POU2AF2: variants seen among roughly 807,000 people sequenced by gnomAD.
POU2AF2 encodes the protein POU class 2 homeobox associating factor 2.
At chr11:111,246,816 T>G in the POU2AF2 span, among the ~76,000 whole-genome samples, 5 of 152,206 alleles carry the variant, frequency 3.3e-5, no homozygotes, top group African/African-American at 1.2e-4. Context: ...TACTTTTTTG[T>G]GACAAGAGCA....
the POU2AF2 span, among the ~76,000 whole-genome samples, chr11:111,276,724 G>A: frequency 2.0e-5 from 3 of 147,596 alleles, no homozygotes; most frequent in East Asian, 4.0e-4. Context: ...CTAAAAGACA[G>A]TGGAATGACA....
At chr11:111,251,512 A>G in the POU2AF2 span, among the ~76,000 whole-genome samples, 1 of 152,256 alleles carries the variant, frequency 6.6e-6, no homozygotes, top group African/African-American at 2.4e-5. Context: ...GATTACATCT[A>G]TATGGCATTT....
the POU2AF2 span, among the ~76,000 whole-genome samples, chr11:111,273,094 T>A: frequency 7.0e-4 from 107 of 152,346 alleles, no homozygotes; most frequent in Non-Finnish European, 1.2e-3. Context: ...TTCAAACTTT[T>A]CAAAAGTAAT....
chr11:111,254,231 T>G, the POU2AF2 span, among the ~76,000 whole-genome samples: 1 of 152,174 alleles, frequency 6.6e-6, no homozygotes, highest in South Asian at 2.1e-4. Context: ...ATCAGTAAGC[T>G]TTAAATTTGA....
chr11:111,272,743 A>G, the POU2AF2 span, among the ~76,000 whole-genome samples: 2 of 152,238 alleles, frequency 1.3e-5, no homozygotes, highest in South Asian at 2.1e-4. Context: ...GGAAACTACC[A>G]CAATCCTGGT....
chr11:111,282,373 G>T, the POU2AF2 span, among the ~76,000 whole-genome samples: 2 of 152,150 alleles, frequency 1.3e-5, no homozygotes, highest in South Asian at 2.1e-4. Flanking sequence ...AAGGAAGTAT[G>T]CTTATAATGA....
At chr11:111,275,212 G>A in the POU2AF2 span, among the ~76,000 whole-genome samples, 1 of 152,174 alleles carries the variant, frequency 6.6e-6, no homozygotes, top group Admixed American at 6.5e-5. Context: ...GGTATTAGGG[G>A]ATTGAGAAGA....
the POU2AF2 span, among the ~76,000 whole-genome samples, chr11:111,274,924 T>C: frequency 1.3e-5 from 2 of 152,140 alleles, no homozygotes; most frequent in Non-Finnish European, 2.9e-5. Context: ...ATTCTCTCTA[T>C]GCTTAGGTTC....
At chr11:111,276,257 A>T in the POU2AF2 span, among the ~76,000 whole-genome samples, 13 of 151,628 alleles carry the variant, frequency 8.6e-5, no homozygotes, top group Non-Finnish European at 1.9e-4. Flanking sequence ...TATTGGAAAC[A>T]GTCAGAAATA....
chr11:111,271,696 T>A, the POU2AF2 span, among the ~76,000 whole-genome samples: 2 of 152,112 alleles, frequency 1.3e-5, no homozygotes, highest in African/African-American at 4.8e-5. Flanking sequence ...AATGCTGGGA[T>A]TACAGGCATG....
At chr11:111,278,556 GTCTCTCTC>G in the POU2AF2 span, among the ~76,000 whole-genome samples, 17 of 148,446 alleles carry the variant, frequency 1.1e-4, no homozygotes, top group South Asian at 8.7e-4. Context: ...CTCTCTCTCT[GTCTCTCTC>G]TCTCTCTCTC....
chr11:111,284,405 G>A, the POU2AF2 span: 31 of 1,555,234 alleles, frequency 2.0e-5, no homozygotes, highest in Non-Finnish European at 2.7e-5. Flanking sequence ...TCGTGTGAGG[G>A]AGTAAAAGAG....
the POU2AF2 span, among the ~76,000 whole-genome samples, chr11:111,250,160 C>A: frequency 1.3e-5 from 2 of 152,094 alleles, no homozygotes; most frequent in African/African-American, 4.8e-5. Context: ...TCTTATTAAT[C>A]ATAGTGCTGT....
the POU2AF2 span, among the ~76,000 whole-genome samples, chr11:111,280,918 C>T: frequency 6.6e-6 from 1 of 152,140 alleles, no homozygotes; most frequent in African/African-American, 2.4e-5. Flanking sequence ...ACTGTGGCCA[C>T]AATGCATGAT....
At chr11:111,268,481 TATTTTATTTTA>T in the POU2AF2 span, among the ~76,000 whole-genome samples, 4,245 of 103,066 alleles carry the variant, frequency 0.041, 465 homozygotes, top group African/African-American at 0.053. Context: ...TTTCTTTTTT[TATTTTATTTTA>T]TTTTATTTTA....
the POU2AF2 span, among the ~76,000 whole-genome samples, chr11:111,277,420 G>A: frequency 1.1e-4 from 17 of 152,336 alleles, no homozygotes; most frequent in Middle Eastern, 3.4e-3. Flanking sequence ...AGGAGGCATC[G>A]TAGAAGATGC....
chr11:111,280,057 A>ATATATATATAT, the POU2AF2 span, among the ~76,000 whole-genome samples: 75 of 76,444 alleles, frequency 9.8e-4, no homozygotes, highest in African/African-American at 2.1e-3. Flanking sequence ...AAAAAAAAAA[A>ATATATATATAT]ATATATATAT....
the POU2AF2 span, among the ~76,000 whole-genome samples, chr11:111,258,795 T>C: frequency 6.6e-6 from 1 of 152,238 alleles, no homozygotes; most frequent in African/African-American, 2.4e-5. Flanking sequence ...ATGGTGCCTT[T>C]GCACTTCATT....
the POU2AF2 span, among the ~76,000 whole-genome samples, chr11:111,275,470 G>C: frequency 1.3e-5 from 2 of 152,194 alleles, no homozygotes; most frequent in Non-Finnish European, 2.9e-5. Context: ...CCTGTTGCCA[G>C]GGTTGGGAGG....
Sources: allele counts gnomAD v4.1 joint callset (sites outside exome capture counted in the v4.1 genomes callset), GRCh38; gene constraint gnomAD v4.1.1; transcripts MANE v1.5; gene names NCBI Gene and HGNC (gene_info 2026-07-23, HGNC 2026-07-21).